The following MPP4 variants were observed in gnomAD, a reference collection of about 807,000 sequenced individuals.
MPP4 encodes the protein MAGUK p55 scaffold protein 4.
MPP4 carries 91 observed loss-of-function variants against 98.3 expected under a neutral mutation model. The observed-to-expected ratio is 0.93, with a 90% CI of 0.78 to 1.10. The LOEUF is 1.10. MPP4 is among the 50% of genes least tolerant of loss of function. The pLI is 0.00. For missense variants in MPP4, 744 were observed against 792.9 expected (o/e 0.94, Z 0.74); for synonymous variants, 261 against 271.8 (o/e 0.96, Z 0.39).
chr2:201,669,127 A>C (rs1304250736), intron 12 of MPP4, among the ~76,000 whole-genome samples: 1 of 150,916 alleles, frequency 6.6e-6, no homozygotes, highest in African/African-American at 2.4e-5. Flanking sequence ...TGTGTGAGAG[A>C]GAGAGAGAGA....
chr2:201,691,710 G>C lies in MPP4; in HGVS notation c.201+1198C>G, dbSNP rs552110499. 2.6e-5 allele frequency among the ~76,000 whole-genome samples: 4 copies of C among 152,158 alleles called. No individual in the cohort carries two copies. The East Asian group carries it at 7.7e-4, about 29-fold the overall frequency. ...TTTTTTGTATTTTTAGTAGAGACAGGGTTTTGCCATGTTGGCCAGGCTGGT... is the reference window on the plus strand; with the variant it reads ...TTTTTTGTATTTTTAGTAGAGACAGCGTTTTGCCATGTTGGCCAGGCTGGT... On this transcript the variant is annotated intron_variant, in intron 3 of 21. Transcript: ENST00000409474.
chr2:201,654,931 G>A lies in MPP4; in HGVS notation c.1301-14C>T. On this transcript the variant is annotated splice_polypyrimidine_tract_variant and intron_variant, in intron 17 of 21. Coordinates refer to ENST00000409474, the MANE Select transcript of MPP4 (RefSeq NM_033066.3). ...CACCAGAGGGTCCTAAACACAAAAA[G>A]TCACACACAGAAATCATCAGATGTG... 6.5e-7 allele frequency: 1 copy of A among 1,547,378 alleles called. No homozygotes were observed. The highest frequency in any genetic ancestry group is 1.2e-5 in the South Asian group (1 of 84,362).
intron 11 of MPP4, among the ~76,000 whole-genome samples, chr2:201,673,879 C>A (rs752563156): frequency 6.6e-6 from 1 of 152,212 alleles, no homozygotes; most frequent in East Asian, 1.9e-4. Context: ...TTTGCCTCCC[C>A]TCCGTCCTTC....
intron 13 of MPP4, among the ~76,000 whole-genome samples, chr2:201,664,591 A>T (rs1230070663): frequency 6.6e-6 from 1 of 152,188 alleles, no homozygotes; most frequent in Non-Finnish European, 1.5e-5. Flanking sequence ...GCTGAGAAGG[A>T]TGTGAGATAA....
In MPP4 at chr2:201,655,033, A is replaced by C. The variant is rs972304016; in HGVS notation, c.1301-116T>G. ...AACTTGAGAGCAAATATTTTTAGGG[A>C]AATTATGTAACTTCCTTTCTCATAA... On this transcript the variant is annotated intron_variant, in intron 17 of 21. Coordinates refer to ENST00000409474, the MANE Select transcript of MPP4 (RefSeq NM_033066.3). The C allele has an allele frequency of 6.2e-6, 4 of 641,132 alleles. No individual in the cohort carries two copies. The African/African-American group carries it at 7.6e-5, about 12-fold the overall frequency. The allele number at this position is 641,132 out of a possible 1,614,324, so 39.7% of individuals were successfully genotyped here. A position where few individuals can be genotyped will look rare whatever the true frequency, so the allele number is the denominator to read the frequency against.
chr2:201,694,365 C>G (rs1689118124), intron 1 of MPP4, among the ~76,000 whole-genome samples: 1 of 152,082 alleles, frequency 6.6e-6, no homozygotes, highest in South Asian at 2.1e-4. Flanking sequence ...CATTAGAGCT[C>G]AGAAAAGTCT....
At position 201,693,036 on chromosome 2, in the gene MPP4, A is replaced by G. The variant is rs752805003; in HGVS notation, c.80-7T>C. The G allele has an allele frequency of 6.2e-7, 1 of 1,610,900 alleles. No individual in the cohort carries two copies. Among genetic ancestry groups the G allele is most frequent in the South Asian group, 1.1e-5 (1 of 90,238 alleles). ...CTCAGGATCTGGGAGAGGCCTAGGAAAGGAAGAGAGCAGAGATGGGGTGGC... is the reference window on the plus strand; with the variant it reads ...CTCAGGATCTGGGAGAGGCCTAGGAGAGGAAGAGAGCAGAGATGGGGTGGC... On this transcript the variant is annotated splice_region_variant and splice_polypyrimidine_tract_variant and intron_variant, in intron 2 of 21. Coordinates refer to ENST00000409474, the MANE Select transcript of MPP4 (RefSeq NM_033066.3).
chr2:201,696,303 T>C (rs1689179287), intron 1 of MPP4, among the ~76,000 whole-genome samples: 1 of 152,192 alleles, frequency 6.6e-6, no homozygotes, highest in African/African-American at 2.4e-5. Context: ...TTTGACTCTA[T>C]TGAATCATTT....
At position 201,650,075 on chromosome 2, in the gene MPP4, T is replaced by C; in HGVS notation, c.1472A>G (p.His491Arg). Residue 491 changes from histidine to arginine, a missense_variant, in exon 19 of 22, where the codon CAC (histidine) becomes CGC (arginine). Transcript: ENST00000409474. ...AGCTTCTGAACCTCTACTTTACCTGTGACTATATATGAGGTTTTCAAATGT... is the reference window on the plus strand; with the variant it reads ...AGCTTCTGAACCTCTACTTTACCTGCGACTATATATGAGGTTTTCAAATGT... ...KETFENLIYS[H>R]RMLEYGEYKG... 1.3e-6 allele frequency: 2 copies of C among 1,563,274 alleles called. No individual in the cohort carries two copies. Among genetic ancestry groups the C allele is most frequent in the Non-Finnish European group, 1.7e-6 (2 of 1,152,934 alleles).
chr2:201,698,404 C>G (rs1287562466), intron 1 of MPP4, among the ~76,000 whole-genome samples, 183 bp downstream of exon 1: 1 of 152,110 alleles, frequency 6.6e-6, no homozygotes, highest in Non-Finnish European at 1.5e-5. Context: ...AATGGCTTCT[C>G]GAAGCAAAAC....
chr2:201,696,285 G>C (rs778636157), intron 1 of MPP4, among the ~76,000 whole-genome samples: 4 of 152,184 alleles, frequency 2.6e-5, no homozygotes, highest in Non-Finnish European at 4.4e-5. Flanking sequence ...CCTGTGTTCT[G>C]TGTTGTTTTT....
chr2:201,697,782 A>G, intron 1 of MPP4: 1 of 375,536 alleles, frequency 2.7e-6, no homozygotes, highest in Non-Finnish European at 3.7e-6. Context: ...GAGATAATCA[A>G]ATGCAAAACC....
intron 15 of MPP4, 40 bp from the exon 16 acceptor site, chr2:201,658,558 C>G: frequency 6.4e-7 from 1 of 1,570,090 alleles, no homozygotes. Context: ...TATGTGAGAG[C>G]GAGAAGTTTA....
intron 12 of MPP4, 144 bp from the exon 13 acceptor site, chr2:201,666,516 T>C: frequency 3.6e-6 from 2 of 555,404 alleles, no homozygotes; most frequent in South Asian, 2.7e-5. Context: ...AGATCAAGAG[T>C]TCGAGACCAA....
chr2:201,697,927 C>T (rs1418303107), intron 1 of MPP4: 1 of 985,316 alleles, frequency 1.0e-6, no homozygotes, highest in Non-Finnish European at 1.2e-6. Flanking sequence ...TGGCAAAAGA[C>T]TTACCTTCCT....
At chr2:201,670,588 T>C (rs1339909833) in intron 11 of MPP4, among the ~76,000 whole-genome samples, 5 of 152,156 alleles carry the variant, frequency 3.3e-5, no homozygotes. Context: ...AAACCAGAAG[T>C]TATACTACAG....
rs1559020220 is a variant in MPP4 at position 201,692,936 on chromosome 2, TGGA to T, written c.170_172del (p.Leu57del). 7 of 1,610,578 alleles carry T rather than the reference TGGA, an allele frequency of 4.3e-6. No individual in the cohort carries two copies. The highest frequency in any genetic ancestry group is 4.2e-6 in the Non-Finnish European group (5 of 1,178,614). On this transcript the variant is annotated inframe_deletion, in exon 3 of 22. Coordinates refer to ENST00000409474, the MANE Select transcript of MPP4 (RefSeq NM_033066.3). ...TAGCAGAGCCTGAAGCCACGGCGAGTGGAGGAGATCGTACAAGAGACACACTCC... is the reference window on the plus strand; with the variant it reads ...TAGCAGAGCCTGAAGCCACGGCGAGTGGAGATCGTACAAGAGACACACTCC...
Position 201,647,814 on chromosome 2 carries a change from C to G in MPP4, c.1596G>C (p.Gly532=). The G allele has an allele frequency of 6.2e-7, 1 of 1,611,722 alleles. No homozygotes were observed. Among genetic ancestry groups the G allele is most frequent in the Non-Finnish European group, 8.5e-7 (1 of 1,178,444 alleles). ...VMDLEPQDIQ[G]VRTHELKPYV... is the part of the protein sequence containing the mutation. The stretch of plus-strand genomic sequence containing the variant: ...AGGGCTTCAGTTCATGGGTTCGAAC[C>G]CCTTGAATATCCTACACAGAAAATT... Residue 532 remains glycine (G), a synonymous_variant, in exon 21 of 22, where the codon GGG becomes GGC. Transcript: ENST00000409474.
chr2:201,652,760 C>T (rs1302500697), intron 18 of MPP4, among the ~76,000 whole-genome samples: 1 of 152,182 alleles, frequency 6.6e-6, no homozygotes, highest in Non-Finnish European at 1.5e-5. Context: ...CATATTTCTA[C>T]TGCTCCTGCT....
Sources: allele counts gnomAD v4.1 joint callset (sites outside exome capture counted in the v4.1 genomes callset), GRCh38; gene constraint gnomAD v4.1.1; transcripts MANE v1.5; gene names NCBI Gene and HGNC (gene_info 2026-07-23, HGNC 2026-07-21).